The following JAZF1 variants were observed in gnomAD, a reference collection of about 807,000 sequenced individuals.
JAZF1 encodes the protein JAZF zinc finger 1, also known as juxtaposed with another zinc finger protein 1.
A neutral mutation model predicts 26.4 loss-of-function variants in JAZF1; 8 were observed. The observed-to-expected ratio is 0.30, with a 90% CI of 0.18 to 0.55. JAZF1 has a LOEUF of 0.55. Among genes scored for constraint, JAZF1 ranks in the 20% least tolerant of loss-of-function variants. The probability of loss-of-function intolerance (pLI) is 0.94; values close to 1 mark genes in which losing one functional copy is unlikely to be tolerated. For synonymous variants in JAZF1, 126 were observed against 122.3 expected (o/e 1.03, Z -0.20); for missense variants, 199 against 322.0 (o/e 0.62, Z 2.92).
Position 28,018,902 on chromosome 7 carries a change from A to C in JAZF1, c.116-26921T>G, listed in dbSNP as rs544069221. Among the ~76,000 whole-genome samples the C allele has an allele frequency of 3.9e-5, 6 of 152,282 alleles. No individual in the cohort carries two copies. In the South Asian group the frequency reaches 1.2e-3, roughly 32 times the overall value. ...TCTAAAATTTTCGTGGTTCAGTTGG[A>C]GTCTGTCCTCACTTGATATGGACAA... On this transcript the variant is annotated intron_variant, in intron 1 of 4. Coordinates refer to ENST00000283928, the MANE Select transcript of JAZF1 (RefSeq NM_175061.4).
At chr7:28,173,363 A>G (rs115768403) in intron 1 of JAZF1, among the ~76,000 whole-genome samples, 1 of 152,354 alleles carries the variant, frequency 6.6e-6, no homozygotes, top group African/African-American at 2.4e-5. Context: ...TGATCTTGAA[A>G]GAGAGGGAAA....
rs1405187356 is a variant in JAZF1, at chr7:27,840,994, C to T, written c.386-127G>A. 6 of 899,714 alleles carry T rather than the reference C, an allele frequency of 6.7e-6. No individual in the cohort carries two copies. Among genetic ancestry groups the T allele is most frequent in the African/African-American group, 1.7e-5 (1 of 60,060 alleles). The allele number at this position is 899,714 out of a possible 1,614,324, so 55.7% of individuals were successfully genotyped here. A position where few individuals can be genotyped will look rare whatever the true frequency, so the allele number is the denominator to read the frequency against. Reference sequence around the variant, plus strand: ...GCTGACGGCCCAGGGAGAGGGCACTCCCGGCACCAGGGGACTGCAAACACG... The same window carrying T: ...GCTGACGGCCCAGGGAGAGGGCACTTCCGGCACCAGGGGACTGCAAACACG... On this transcript the variant is annotated intron_variant, in intron 3 of 4. Coordinates refer to ENST00000283928, the MANE Select transcript of JAZF1 (RefSeq NM_175061.4). The surrounding 1 kb of genome is among the most constrained non-coding windows in gnomAD (Gnocchi z 5.1).
chr7:27,874,715 C>CT (rs3073731), intron 3 of JAZF1, among the ~76,000 whole-genome samples: 1 of 152,176 alleles, frequency 6.6e-6, no homozygotes, highest in African/African-American at 2.4e-5. Flanking sequence ...AACCTTTAAT[C>CT]GAGATCCTTA....
chr7:27,846,542 C>A, intron 3 of JAZF1: 1 of 471,056 alleles, frequency 2.1e-6, no homozygotes, highest in Non-Finnish European at 4.4e-6. Flanking sequence ...GTGATGATCT[C>A]ATTTTCTGTA....
At chr7:28,180,062 C>T (rs1783615266) in intron 1 of JAZF1, among the ~76,000 whole-genome samples, 1 of 146,870 alleles carries the variant, frequency 6.8e-6, no homozygotes, top group Non-Finnish European at 1.5e-5. Context: ...CAACTAACTC[C>T]GCGACCCTGC....
At chr7:28,131,666 A>C (rs1782795732) in intron 1 of JAZF1, among the ~76,000 whole-genome samples, 1 of 152,194 alleles carries the variant, frequency 6.6e-6, no homozygotes. Context: ...ACTTCTCAAC[A>C]CTAACCACAA....
chr7:28,171,496 C>T (rs544871582), intron 1 of JAZF1, among the ~76,000 whole-genome samples: 12 of 152,080 alleles, frequency 7.9e-5, no homozygotes, highest in Non-Finnish European at 1.8e-4. Flanking sequence ...ATGACAAGAC[C>T]CTGAGTTTCT....
rs146574508 is a variant in JAZF1 at position 27,921,255 on chromosome 7, G to C, written c.189-25839C>G. On this transcript the variant is annotated intron_variant, in intron 2 of 4. Transcript: ENST00000283928. The stretch of plus-strand genomic sequence containing the variant: ...GGGCTTTGCCCACAATTCCTAGTCT[G>C]TTTACCAGACTGCAACCAGACTGCC... 9.8e-3 allele frequency among the ~76,000 whole-genome samples: 1,490 copies of C among 152,058 alleles called. 10 individuals carry two copies. The highest frequency in any genetic ancestry group is 0.016 in the Non-Finnish European group (1,075 of 68,000).
intron 3 of JAZF1, among the ~76,000 whole-genome samples, chr7:27,850,892 T>C (rs752829233): frequency 6.6e-6 from 1 of 152,162 alleles, no homozygotes; most frequent in Non-Finnish European, 1.5e-5. Context: ...CTAACAAACA[T>C]TTATAAATCT....
chr7:28,095,883 C>T (rs1456697241), intron 1 of JAZF1, among the ~76,000 whole-genome samples: 1 of 152,234 alleles, frequency 6.6e-6, no homozygotes, highest in African/African-American at 2.4e-5. Flanking sequence ...CTTCCTGGCT[C>T]ATAGGCTGGC....
intron 3 of JAZF1, among the ~76,000 whole-genome samples, chr7:27,887,797 A>G (rs1256231689): frequency 6.6e-6 from 1 of 152,200 alleles, no homozygotes; most frequent in Non-Finnish European, 1.5e-5. Context: ...GGAAAAACAA[A>G]TAAAATCCTA....
chr7:27,998,900 A>C (rs1786076345), intron 1 of JAZF1, among the ~76,000 whole-genome samples: 1 of 152,186 alleles, frequency 6.6e-6, no homozygotes, highest in Admixed American at 6.5e-5. Flanking sequence ...AATAATTCTG[A>C]CTAGGATACT....
intron 2 of JAZF1, among the ~76,000 whole-genome samples, chr7:27,913,080 C>A (rs1583460839): frequency 6.6e-6 from 1 of 152,106 alleles, no homozygotes; most frequent in East Asian, 1.9e-4. Flanking sequence ...GGGTAATTCA[C>A]TGAATGCTAC....
chr7:27,942,479 C>T (rs148179428), intron 2 of JAZF1, among the ~76,000 whole-genome samples: 8 of 152,342 alleles, frequency 5.3e-5, no homozygotes, highest in African/African-American at 1.9e-4. Context: ...GCATTTACTA[C>T]GTGCCAGTCA....
chr7:28,113,843 C>G (rs901608991), intron 1 of JAZF1, among the ~76,000 whole-genome samples: 4 of 152,162 alleles, frequency 2.6e-5, no homozygotes, highest in Admixed American at 2.6e-4. Context: ...GAGAGCTGCA[C>G]AGGAAGCTTT....
chr7:28,055,163 T>A (rs540120077), intron 1 of JAZF1, among the ~76,000 whole-genome samples: 192 of 147,788 alleles, frequency 1.3e-3, no homozygotes, highest in East Asian at 3.1e-3. Flanking sequence ...TCAGGTGTTT[T>A]AAAAAAAAAA....
intron 1 of JAZF1, among the ~76,000 whole-genome samples, chr7:28,113,912 A>G (rs1244066199): frequency 6.6e-6 from 1 of 152,244 alleles, no homozygotes; most frequent in Non-Finnish European, 1.5e-5. Context: ...AACAATGGCA[A>G]TAATGCTTCT....
intron 1 of JAZF1, among the ~76,000 whole-genome samples, chr7:28,002,197 G>C (rs1187391016): frequency 6.6e-6 from 1 of 152,136 alleles, no homozygotes; most frequent in Non-Finnish European, 1.5e-5. Flanking sequence ...CATATAACTT[G>C]GCCAAATACT....
chr7:28,095,669 A>G (rs536112332), intron 1 of JAZF1, among the ~76,000 whole-genome samples: 32 of 152,308 alleles, frequency 2.1e-4, no homozygotes, highest in African/African-American at 7.2e-4. Context: ...CTGTCCTTCT[A>G]GCAGAGCCTC....
Sources: gnomAD v4.1 joint callset for allele counts (sites outside exome capture counted in the v4.1 genomes callset) on GRCh38, gnomAD v4.1.1 for gene constraint, Gnocchi (gnomAD v3.1) non-coding constraint, MANE v1.5 for transcripts, NCBI Gene and HGNC (gene_info 2026-07-23, HGNC 2026-07-21) for gene names.